Variants in METTL9 observed in about 807,000 individuals in gnomAD.
METTL9 encodes protein-L-histidine N-pros-methyltransferase.
A neutral mutation model predicts 36.0 loss-of-function variants in METTL9; 10 were observed. The ratio of observed to expected loss-of-function variants is 0.28; its 90% confidence interval spans 0.17 to 0.47. The LOEUF is 0.47. Among genes scored for constraint, METTL9 ranks in the 20% least tolerant of loss-of-function variants. The pLI is 0.99. For synonymous variants in METTL9, 175 were observed against 149.7 expected (o/e 1.17, Z -1.23); for missense variants, 246 against 383.5 (o/e 0.64, Z 3.00).
intron 4 of METTL9, among the ~76,000 whole-genome samples, chr16:21,626,393 T>G (rs577672348): frequency 1.8e-4 from 28 of 152,296 alleles, no homozygotes; most frequent in Non-Finnish European, 2.9e-4. Context: ...GGATTTGTGG[T>G]GTCACAAATT....
At chr16:21,614,848 A>T (rs1334217652) in intron 2 of METTL9, among the ~76,000 whole-genome samples, 4 of 152,174 alleles carry the variant, frequency 2.6e-5, no homozygotes, top group African/African-American at 9.7e-5. Context: ...AGAACCTAGG[A>T]TGGTTATTAA....
chr16:21,622,184 G>A (rs1294130837), intron 3 of METTL9, among the ~76,000 whole-genome samples: 3 of 93,440 alleles, frequency 3.2e-5, no homozygotes, highest in South Asian at 3.9e-4. Flanking sequence ...TTGCTTTGTC[G>A]TCCAGGCTGG....
At chr16:21,642,801 A>G (rs1387107562) in intron 4 of METTL9, among the ~76,000 whole-genome samples, 2 of 152,174 alleles carry the variant, frequency 1.3e-5, no homozygotes, top group East Asian at 3.8e-4. Context: ...TTAAAGCATC[A>G]TTGTCTGTAT....
chr16:21,609,675 G>C (rs1567326901), intron 1 of METTL9, among the ~76,000 whole-genome samples: 1 of 152,102 alleles, frequency 6.6e-6, no homozygotes, highest in Admixed American at 6.5e-5. Flanking sequence ...AAAGAAGGAA[G>C]GGGTGGAGCT....
rs1235981872 is a variant in METTL9, at chr16:21,656,951, CT to C, written c.*1521del. 1.3e-5 allele frequency: 2 copies of C among 151,988 alleles called. No individual in the cohort carries two copies. The highest frequency in any genetic ancestry group is 6.6e-5 in the Admixed American group (1 of 15,246). 9.4% of individuals were successfully genotyped at this position (151,988 alleles called of 1,614,324 possible). ...AATTCAAGTAAGTGAAGTACAAATACTTAGCACCATAGATTGTAAAAATAGA... is the reference window on the plus strand; with the variant it reads ...AATTCAAGTAAGTGAAGTACAAATACTAGCACCATAGATTGTAAAAATAGA... On this transcript the variant is annotated 3_prime_UTR_variant, in exon 5 of 5. Coordinates refer to ENST00000358154, the MANE Select transcript of METTL9 (RefSeq NM_016025.5).
At chr16:21,626,856 G>A (rs1193040209) in intron 4 of METTL9, 1 of 762,332 alleles carries the variant, frequency 1.3e-6, no homozygotes, top group Middle Eastern at 6.5e-4. Context: ...GCTACTTCCT[G>A]GCATAGCAGG....
intron 1 of METTL9, among the ~76,000 whole-genome samples, chr16:21,604,983 C>T (rs76983084): frequency 6.6e-6 from 1 of 152,276 alleles, no homozygotes; most frequent in East Asian, 1.9e-4. Flanking sequence ...TGAAGAGCTA[C>T]TGGCCTTCTA....
chr16:21,646,495 T>C (rs1379155446), intron 4 of METTL9: 6 of 158,242 alleles, frequency 3.8e-5, no homozygotes, highest in Non-Finnish European at 2.8e-5. Context: ...AGCTGATAGT[T>C]ACTCACCACA....
At chr16:21,646,884 G>C (rs964205476) in intron 4 of METTL9, 1 of 481,474 alleles carries the variant, frequency 2.1e-6, no homozygotes. Flanking sequence ...TTGAACTCCT[G>C]ACCTCAAGTG....
chr16:21,645,398 A>G (rs964857671), intron 4 of METTL9, among the ~76,000 whole-genome samples: 1 of 152,214 alleles, frequency 6.6e-6, no homozygotes, highest in Non-Finnish European at 1.5e-5. Context: ...GGTTGGTTGC[A>G]GTGAGCTGAG....
chr16:21,617,018 C>T (rs1417453784), intron 2 of METTL9, among the ~76,000 whole-genome samples: 1 of 152,172 alleles, frequency 6.6e-6, no homozygotes, highest in Non-Finnish European at 1.5e-5. Context: ...TTATTTCCCT[C>T]CTCCCATGCT....
intron 3 of METTL9, among the ~76,000 whole-genome samples, chr16:21,621,009 C>G (rs1483795532): frequency 6.6e-6 from 1 of 151,916 alleles, no homozygotes; most frequent in Non-Finnish European, 1.5e-5. Context: ...CTCTCTCTGT[C>G]ACCTGGGCTA....
At chr16:21,651,158 G>C (rs905817706) in intron 4 of METTL9, among the ~76,000 whole-genome samples, 7 of 152,182 alleles carry the variant, frequency 4.6e-5, no homozygotes, top group Admixed American at 4.6e-4. Flanking sequence ...GGGAGGCGGA[G>C]CTTGCAGTGA....
intron 1 of METTL9, among the ~76,000 whole-genome samples, chr16:21,605,038 T>C (rs1965235580): frequency 6.6e-6 from 1 of 152,030 alleles, no homozygotes; most frequent in Non-Finnish European, 1.5e-5. Context: ...GTAGTCCACA[T>C]AGAACTCTTG....
At chr16:21,624,241 T>C (rs1380629347) in intron 3 of METTL9, among the ~76,000 whole-genome samples, 1 of 152,244 alleles carries the variant, frequency 6.6e-6, no homozygotes, top group Non-Finnish European at 1.5e-5. Flanking sequence ...AATTATATGA[T>C]GCATTTTTTG....
At chr16:21,598,348 G>A (rs1965001675), upstream of METTL9, among the ~76,000 whole-genome samples, 1 of 109,108 alleles carries the variant, frequency 9.2e-6, no homozygotes, top group Non-Finnish European at 1.8e-5. Context: ...ACTCCACTCC[G>A]TTTCAAAAAA....
At chr16:21,606,880 G>A (rs1430869006) in intron 1 of METTL9, among the ~76,000 whole-genome samples, 1 of 152,118 alleles carries the variant, frequency 6.6e-6, no homozygotes, top group Non-Finnish European at 1.5e-5. Flanking sequence ...TTTTGGGAAT[G>A]TTGTATTTTG....
chr16:21,618,720 C>G (rs913196564), intron 3 of METTL9, among the ~76,000 whole-genome samples: 1 of 145,990 alleles, frequency 6.8e-6, no homozygotes, highest in African/African-American at 2.5e-5. Flanking sequence ...CTTTTCTTTT[C>G]TTTTTTTTTT....
intron 4 of METTL9, among the ~76,000 whole-genome samples, chr16:21,629,222 T>G (rs1965885242): frequency 6.6e-6 from 1 of 152,050 alleles, no homozygotes; most frequent in African/African-American, 2.4e-5. Context: ...TCCTCCCAGA[T>G]ATATATTTTG....
Sources: allele counts gnomAD v4.1 joint callset (sites outside exome capture counted in the v4.1 genomes callset), GRCh38; gene constraint gnomAD v4.1.1; transcripts MANE v1.5; gene names NCBI Gene and HGNC (gene_info 2026-07-23, HGNC 2026-07-21).